The following PLXNA2 variants were observed in gnomAD, a reference collection of about 807,000 sequenced individuals.
The protein encoded by PLXNA2 is plexin-A2.
Under a neutral mutation model 193.5 loss-of-function variants are expected in PLXNA2, and 91 were observed. The ratio of observed to expected loss-of-function variants is 0.47; its 90% CI spans 0.40 to 0.56. The LOEUF is 0.56. PLXNA2 is among the 20% of genes least tolerant of loss of function. The pLI is 0.00. For synonymous variants in PLXNA2, 997 were observed against 1,027.3 expected, an observed-to-expected ratio of 0.97 and a Z score of 0.56; for missense variants, 1,995 against 2,503.2, an observed-to-expected ratio of 0.80 and a Z score of 4.33.
chr1:208,185,799 A>G (rs923464540), intron 3 of PLXNA2, among the ~76,000 whole-genome samples: 3 of 151,580 alleles, frequency 2.0e-5, no homozygotes, highest in African/African-American at 7.3e-5. Context: ...GCTGGCTGCA[A>G]AAGGGAATTA....
chr1:208,028,799 G>A lies in PLXNA2; in HGVS notation c.5438+31C>T. ...AGCGGGGAATGGGCAGGGAGACAAG[G>A]GCATGGGCCTGTCCTGAGGGTGCTA... On this transcript the variant is annotated intron_variant, in intron 30 of 31. Transcript: ENST00000367033. The surrounding 1 kb of genome is among the most constrained non-coding windows in gnomAD (Gnocchi z 4.2). The A allele has an allele frequency of 6.3e-7, 1 of 1,591,778 alleles. No individual in the cohort carries two copies. The highest frequency in any genetic ancestry group is 8.6e-7 in the Non-Finnish European group (1 of 1,162,678).
At chr1:208,174,367 G>A (rs1294785097) in intron 3 of PLXNA2, among the ~76,000 whole-genome samples, 1 of 151,382 alleles carries the variant, frequency 6.6e-6, no homozygotes, top group Non-Finnish European at 1.5e-5. Context: ...CCTGGGGGAG[G>A]GAAGGAGGAA....
intron 3 of PLXNA2, among the ~76,000 whole-genome samples, chr1:208,159,303 C>T (rs199770073): frequency 6.6e-6 from 1 of 152,196 alleles, no homozygotes; most frequent in Non-Finnish European, 1.5e-5. Context: ...GTTTCTATCA[C>T]CTAATTTTTC....
intron 15 of PLXNA2, among the ~76,000 whole-genome samples, chr1:208,051,670 C>T (rs1026934187): frequency 4.6e-5 from 7 of 152,204 alleles, no homozygotes; most frequent in South Asian, 2.1e-4. Context: ...TCATGGGCTT[C>T]GGGGAAACTC....
At chr1:208,190,522 T>G (rs913958750) in intron 3 of PLXNA2, among the ~76,000 whole-genome samples, 2 of 152,230 alleles carry the variant, frequency 1.3e-5, no homozygotes, top group Non-Finnish European at 2.9e-5. Flanking sequence ...GTTGGTTGCC[T>G]TGATCAGGGT....
intron 12 of PLXNA2, among the ~76,000 whole-genome samples, chr1:208,069,926 G>C (rs79947739): frequency 6.6e-6 from 1 of 152,184 alleles, no homozygotes; most frequent in Non-Finnish European, 1.5e-5. Flanking sequence ...CCCACTAAGC[G>C]CTCAAAACAA....
intron 6 of PLXNA2, among the ~76,000 whole-genome samples, chr1:208,098,205 C>T (rs1006772973): frequency 5.9e-5 from 9 of 152,144 alleles, no homozygotes; most frequent in Non-Finnish European, 1.3e-4. Flanking sequence ...CCAAAAGCTC[C>T]TGGTGGGGAT....
At chr1:208,151,326 G>T (rs1029829087) in intron 3 of PLXNA2, among the ~76,000 whole-genome samples, 2 of 152,172 alleles carry the variant, frequency 1.3e-5, no homozygotes, top group Non-Finnish European at 2.9e-5. Context: ...CTGCACACAG[G>T]TTCCTTTCCT....
At chr1:208,170,321 C>G (rs571899727) in intron 3 of PLXNA2, among the ~76,000 whole-genome samples, 2 of 152,200 alleles carry the variant, frequency 1.3e-5, no homozygotes, top group African/African-American at 4.8e-5. Context: ...TAAACAAAGA[C>G]CAGCCTGCCT....
intron 3 of PLXNA2, among the ~76,000 whole-genome samples, chr1:208,180,658 G>A (rs567379007): frequency 5.5e-4 from 84 of 152,358 alleles, no homozygotes; most frequent in African/African-American, 2.0e-3. Context: ...GGCAGACGAG[G>A]AAACTGAGAG....
At chr1:208,211,303 A>C (rs572910378) in intron 2 of PLXNA2, among the ~76,000 whole-genome samples, 1 of 152,164 alleles carries the variant, frequency 6.6e-6, no homozygotes, top group Non-Finnish European at 1.5e-5. Context: ...TGTCCTTCAT[A>C]TTTCCAGCCT....
At chr1:208,198,448 C>T (rs147240482) in intron 3 of PLXNA2, among the ~76,000 whole-genome samples, 2 of 152,354 alleles carry the variant, frequency 1.3e-5, no homozygotes, top group Non-Finnish European at 2.9e-5. Context: ...CAGCAACACT[C>T]CTTTGTCTCT....
intron 1 of PLXNA2, among the ~76,000 whole-genome samples, chr1:208,225,766 A>C (rs190685007): frequency 3.3e-4 from 51 of 152,350 alleles, no homozygotes; most frequent in African/African-American, 1.1e-3. Flanking sequence ...AGACATCCAC[A>C]TCCTCATCTG....
rs2102303897 is a variant in PLXNA2 at position 208,033,484 on chromosome 1, G to A, written c.4890C>T (p.Ser1630=). The change falls in exon 28 of 32, where the codon AGC becomes AGT. Residue 1630 remains serine, a synonymous_variant. Coordinates refer to ENST00000367033, the MANE Select transcript of PLXNA2 (RefSeq NM_025179.4). Reference sequence around the variant, plus strand: ...GGGCCCGGGACCGCAGGCTGTCGGGGCTGCCCGTATACCTGAAGGAGGAGT... The same window carrying A: ...GGGCCCGGGACCGCAGGCTGTCGGGACTGCCCGTATACCTGAAGGAGGAGT... ...RYDSSFRYTG[S]PDSLRSRAPM... is the part of the protein sequence containing the mutation. 1.9e-6 allele frequency: 3 copies of A among 1,612,272 alleles called. No individual in the cohort carries two copies. The highest frequency in any genetic ancestry group is 2.2e-5 in the South Asian group (2 of 90,934).
rs531940955 is a variant in PLXNA2 at position 208,044,126 on chromosome 1, C to T, written c.3874+382G>A. Among the ~76,000 whole-genome samples the T allele has an allele frequency of 1.3e-4, 20 of 152,308 alleles. No homozygotes were observed. The South Asian group carries it at 3.3e-3, about 25-fold the overall frequency. On this transcript the variant is annotated intron_variant, in intron 20 of 31. Transcript: ENST00000367033. This position sits in a 1 kb window ranked among gnomAD's most constrained non-coding sequence, Gnocchi z 4.9. Reference sequence around the variant, plus strand: ...TTGCTGCCGCTGCTCCCACGTGCTGCGAAGACAGTGTGCAGAAAAACAAGA... The same window carrying T: ...TTGCTGCCGCTGCTCCCACGTGCTGTGAAGACAGTGTGCAGAAAAACAAGA...
intron 29 of PLXNA2, chr1:208,031,288 A>C: frequency 1.7e-6 from 2 of 1,211,210 alleles, no homozygotes; most frequent in Non-Finnish European, 2.1e-6. Flanking sequence ...CCTGAGAACC[A>C]GAGATCTCAG....
intron 3 of PLXNA2, among the ~76,000 whole-genome samples, chr1:208,188,952 C>A (rs931883486): frequency 6.6e-6 from 1 of 152,188 alleles, no homozygotes; most frequent in Non-Finnish European, 1.5e-5. Flanking sequence ...GGATGTAGTG[C>A]ACCCAGGAAA....
intron 5 of PLXNA2, among the ~76,000 whole-genome samples, chr1:208,099,723 A>T (rs924540258): frequency 6.6e-6 from 1 of 151,578 alleles, no homozygotes; most frequent in Non-Finnish European, 1.5e-5. Flanking sequence ...GGCGCCCACC[A>T]CCGTGCCCGG....
chr1:208,054,048 C>T (rs933578093), intron 14 of PLXNA2, among the ~76,000 whole-genome samples: 2 of 152,210 alleles, frequency 1.3e-5, no homozygotes, highest in African/African-American at 4.8e-5. Context: ...GTCCCTCAGG[C>T]TATGCATCCT....
Sources: allele counts gnomAD v4.1 joint callset (sites outside exome capture counted in the v4.1 genomes callset), GRCh38; gene constraint gnomAD v4.1.1; non-coding constraint Gnocchi (gnomAD v3.1); transcripts MANE v1.5; gene names NCBI Gene and HGNC (gene_info 2026-07-23, HGNC 2026-07-21).